The following GPR137B variants were observed in gnomAD, a reference collection of about 807,000 sequenced individuals.
The protein encoded by GPR137B is integral membrane protein GPR137B.
GPR137B carries 42 observed loss-of-function variants against 42.5 expected under a neutral mutation model. That is an observed-to-expected ratio of 0.99 (90% confidence interval 0.77 to 1.28). GPR137B has a LOEUF of 1.28. GPR137B is among the 50% of genes most tolerant of loss of function. The probability of loss-of-function intolerance (pLI) is 0.00; values close to 1 mark genes in which losing one functional copy is unlikely to be tolerated. For missense variants in GPR137B, 487 were observed against 493.9 expected, an observed-to-expected ratio of 0.99 and a Z score of 0.13; for synonymous variants, 218 against 209.7, an observed-to-expected ratio of 1.04 and a Z score of -0.34.
At chr1:236,203,757 G>T (rs1663570792) in intron 5 of GPR137B, among the ~76,000 whole-genome samples, 1 of 152,054 alleles carries the variant, frequency 6.6e-6, no homozygotes. Flanking sequence ...CTAGGTATTT[G>T]TGGCTATTAT....
chr1:236,175,711 G>A (rs1375982777), intron 2 of GPR137B, among the ~76,000 whole-genome samples: 2 of 151,944 alleles, frequency 1.3e-5, no homozygotes, highest in Non-Finnish European at 2.9e-5. Context: ...CATGAAAACC[G>A]TAATACCTCC....
At chr1:236,178,180 C>T (rs1308865226) in intron 2 of GPR137B, among the ~76,000 whole-genome samples, 1 of 152,138 alleles carries the variant, frequency 6.6e-6, no homozygotes, top group Non-Finnish European at 1.5e-5. Context: ...AGCTCTCAGT[C>T]CTCACAACAT....
At chr1:236,186,304 TTA>T (rs1368477998) in intron 5 of GPR137B, among the ~76,000 whole-genome samples, 2 of 95,594 alleles carry the variant, frequency 2.1e-5, no homozygotes, top group African/African-American at 9.5e-5. Context: ...ATAATATATA[TTA>T]TATATAATAA....
chr1:236,201,029 A>G (rs1460498376), intron 5 of GPR137B, among the ~76,000 whole-genome samples: 1 of 151,936 alleles, frequency 6.6e-6, no homozygotes, highest in Non-Finnish European at 1.5e-5. Flanking sequence ...CTGGCTTGGT[A>G]GTGGCAAATT....
At chr1:236,195,053 A>G (rs1663295350) in intron 5 of GPR137B, among the ~76,000 whole-genome samples, 1 of 152,098 alleles carries the variant, frequency 6.6e-6, no homozygotes, top group Admixed American at 6.6e-5. Context: ...CATGATGATT[A>G]TTTCACATCA....
At chr1:236,172,653 T>A (rs1458168902) in intron 2 of GPR137B, among the ~76,000 whole-genome samples, 11 of 151,982 alleles carry the variant, frequency 7.2e-5, no homozygotes, top group Non-Finnish European at 1.5e-4. Context: ...GTGATTTTTT[T>A]AAATAAGTAA....
chr1:236,178,744 CTT>C (rs1349356758), intron 3 of GPR137B, 108 bp downstream of exon 3: 3 of 487,550 alleles, frequency 6.2e-6, no homozygotes, highest in Non-Finnish European at 1.1e-5. Context: ...TTTGCCTTGA[CTT>C]TCTCCGTTTT....
chr1:236,149,749 G>GGCCCTGC (rs915019147), intron 1 of GPR137B, among the ~76,000 whole-genome samples: 1 of 152,258 alleles, frequency 6.6e-6, no homozygotes, highest in African/African-American at 2.4e-5. Flanking sequence ...CTGGCCTCTG[G>GGCCCTGC]GCCCTGCGCC....
intron 1 of GPR137B, among the ~76,000 whole-genome samples, chr1:236,152,027 A>C (rs1055557943): frequency 3.3e-5 from 5 of 152,190 alleles, no homozygotes; most frequent in African/African-American, 1.2e-4. Context: ...CATCAGGCCC[A>C]CACTCATTTT....
Position 236,166,926 on chromosome 1 carries a change from G to A in GPR137B, c.415-1780G>A, listed in dbSNP as rs535378275. Among the ~76,000 whole-genome samples the A allele has an allele frequency of 1.8e-4, 27 of 152,238 alleles. 1 individual carries two copies. The highest frequency in any genetic ancestry group is 7.2e-4 in the Admixed American group (11 of 15,298). On this transcript the variant is annotated intron_variant, in intron 1 of 6. Coordinates refer to ENST00000366592, the MANE Select transcript of GPR137B (RefSeq NM_003272.4). ...TTCAGCCTCCTCCCTGAGAAGCAGCGGAGAGTAGATGTGACTGGGGGATTC... is the reference window on the plus strand; with the variant it reads ...TTCAGCCTCCTCCCTGAGAAGCAGCAGAGAGTAGATGTGACTGGGGGATTC...
chr1:236,191,157 AC>A (rs1335151262), intron 5 of GPR137B, among the ~76,000 whole-genome samples: 4 of 152,004 alleles, frequency 2.6e-5, no homozygotes, highest in African/African-American at 9.7e-5. Flanking sequence ...TGTATGCTTC[AC>A]GAAGTTCTTG....
chr1:236,191,429 T>C (rs890421687), intron 5 of GPR137B, among the ~76,000 whole-genome samples: 13 of 152,158 alleles, frequency 8.5e-5, no homozygotes, highest in African/African-American at 3.1e-4. Flanking sequence ...GCATTCTGGT[T>C]TTTGGAATTT....
At chr1:236,207,579 T>C (rs57023309) in intron 6 of GPR137B, among the ~76,000 whole-genome samples, 3,744 of 152,300 alleles carry the variant, frequency 0.025, 143 homozygotes, top group African/African-American at 0.076. Flanking sequence ...CTTACGTGTA[T>C]TGAGAATTAA....
Position 236,163,654 on chromosome 1 carries a change from C to T in GPR137B, c.415-5052C>T, listed in dbSNP as rs145304447. Among the ~76,000 whole-genome samples the T allele has an allele frequency of 4.5e-3, 692 of 152,166 alleles. 6 individuals carry two copies. The highest frequency in any genetic ancestry group is 0.015 in the African/African-American group (614 of 41,502). On this transcript the variant is annotated intron_variant, in intron 1 of 6. Coordinates refer to ENST00000366592, the MANE Select transcript of GPR137B (RefSeq NM_003272.4). ...ATCTGATGGGTTTATCAGGGGTTTC[C>T]GCTTTTGCTTCTTCCTCATTTTTTT...
rs914158241 is a variant in GPR137B, at chr1:236,150,910, G to A, written c.414+7874G>A. Reference sequence around the variant, plus strand: ...CTGAGCCCCAGGCTAGCTGCTCAGCGTTGAGTGGCGGGGAGTGGAGGGCAG... The same window carrying A: ...CTGAGCCCCAGGCTAGCTGCTCAGCATTGAGTGGCGGGGAGTGGAGGGCAG... On this transcript the variant is annotated intron_variant, in intron 1 of 6. Transcript: ENST00000366592. The surrounding 1 kb of genome is among the most constrained non-coding windows in gnomAD (Gnocchi z 6.2). 2.0e-5 allele frequency among the ~76,000 whole-genome samples: 3 copies of A among 152,232 alleles called. No homozygotes were observed. Among genetic ancestry groups the A allele is most frequent in the Admixed American group, 6.5e-5 (1 of 15,284 alleles).
In GPR137B at chr1:236,208,177, T is replaced by G; in HGVS notation, c.*19T>G. The G allele has an allele frequency of 6.2e-7, 1 of 1,612,180 alleles. No individual in the cohort carries two copies. On this transcript the variant is annotated 3_prime_UTR_variant, in exon 7 of 7. Transcript: ENST00000366592. The stretch of plus-strand genomic sequence containing the variant: ...TGGGTAGCATCAGTTAACAGTTTTA[T>G]GGACGATTCCTCAGATGAAAAGCTT...
chr1:236,156,608 G>A lies in GPR137B; in HGVS notation c.415-12098G>A, dbSNP rs1662035999. ...AGCCTCAAATGCAGATCCCCTCCCC[G>A]CCGCAGAGCCGCCTTGTGTGTCTTC... On this transcript the variant is annotated intron_variant, in intron 1 of 6. Transcript: ENST00000366592. The surrounding 1 kb of genome is among the most constrained non-coding windows in gnomAD (Gnocchi z 4.8). Among the ~76,000 whole-genome samples the A allele has an allele frequency of 6.6e-6, 1 of 152,182 alleles. No individual in the cohort carries two copies. Among genetic ancestry groups the A allele is most frequent in the Non-Finnish European group, 1.5e-5 (1 of 68,042 alleles).
At chr1:236,160,889 C>T (rs555409180) in intron 1 of GPR137B, among the ~76,000 whole-genome samples, 16 of 152,012 alleles carry the variant, frequency 1.1e-4, no homozygotes, top group African/African-American at 3.9e-4. Context: ...GACCTCCTCC[C>T]TACTCTTAGT....
At chr1:236,149,545 G>T (rs1156673847) in intron 1 of GPR137B, among the ~76,000 whole-genome samples, 2 of 152,224 alleles carry the variant, frequency 1.3e-5, no homozygotes, top group African/African-American at 2.4e-5. Flanking sequence ...GTGGGTGATT[G>T]TAGGAGTAAG....
Sources: allele counts gnomAD v4.1 joint callset (sites outside exome capture counted in the v4.1 genomes callset), GRCh38; gene constraint gnomAD v4.1.1; non-coding constraint Gnocchi (gnomAD v3.1); transcripts MANE v1.5; gene names NCBI Gene and HGNC (gene_info 2026-07-23, HGNC 2026-07-21).